KHDRBS2: variants seen among roughly 807,000 people sequenced by gnomAD.
The protein encoded by KHDRBS2 is KH domain-containing, RNA-binding, signal transduction-associated protein 2.
Under a neutral mutation model 44.3 loss-of-function variants are expected in KHDRBS2, and 26 were observed. The observed-to-expected ratio is 0.59, with a 90% CI of 0.43 to 0.81. KHDRBS2 has a LOEUF of 0.81. Among genes scored for constraint, KHDRBS2 ranks in the 40% least tolerant of loss-of-function variants. The pLI, the probability that KHDRBS2 is intolerant of heterozygous loss-of-function variation, is 0.00. For missense variants in KHDRBS2, 476 were observed against 433.1 expected, an observed-to-expected ratio of 1.10 and a Z score of -0.88; for synonymous variants, 194 against 151.1, an observed-to-expected ratio of 1.28 and a Z score of -2.08.
intron 3 of KHDRBS2, among the ~76,000 whole-genome samples, chr6:61,997,285 T>C (rs1398194490): frequency 1.8e-4 from 27 of 152,168 alleles, no homozygotes; most frequent in Non-Finnish European, 1.3e-4. Context: ...ATCACCCTAT[T>C]GATTCTGAGT....
intron 3 of KHDRBS2, among the ~76,000 whole-genome samples, chr6:61,981,875 A>G (rs2127405393): frequency 6.6e-6 from 1 of 152,286 alleles, no homozygotes; most frequent in Non-Finnish European, 1.5e-5. Flanking sequence ...ATTGTTTCAG[A>G]AATTTTATGA....
intron 3 of KHDRBS2, among the ~76,000 whole-genome samples, chr6:61,989,965 C>G (rs1775818884): frequency 1.3e-5 from 2 of 152,138 alleles, no homozygotes. Context: ...GGTTGTTCAA[C>G]CCTTGCATGG....
chr6:61,687,798 A>G (rs1255366878), intron 8 of KHDRBS2, among the ~76,000 whole-genome samples: 1 of 151,902 alleles, frequency 6.6e-6, no homozygotes, highest in Admixed American at 6.6e-5. Flanking sequence ...AGCTTAAAAA[A>G]TATTCCTGAC....
At chr6:61,981,905 A>G (rs1233457443) in intron 3 of KHDRBS2, among the ~76,000 whole-genome samples, 1 of 152,184 alleles carries the variant, frequency 6.6e-6, no homozygotes, top group Admixed American at 6.5e-5. Context: ...GAATTGGTCA[A>G]TAACCTTGAT....
At chr6:61,560,141 C>T in the KHDRBS2 span, among the ~76,000 whole-genome samples, 1 of 152,246 alleles carries the variant, frequency 6.6e-6, no homozygotes, top group South Asian at 2.1e-4. Flanking sequence ...CTTTCACAGC[C>T]TGAAAATTCC....
intron 2 of KHDRBS2, among the ~76,000 whole-genome samples, chr6:62,054,952 G>T (rs1278470397): frequency 6.6e-6 from 1 of 152,008 alleles, no homozygotes; most frequent in Non-Finnish European, 1.5e-5. Flanking sequence ...GCTATCCATA[G>T]TAAGAGAAAT....
intron 3 of KHDRBS2, among the ~76,000 whole-genome samples, chr6:62,004,866 A>C (rs1778933409): frequency 6.6e-6 from 1 of 152,142 alleles, no homozygotes; most frequent in African/African-American, 2.4e-5. Context: ...AACATACACA[A>C]ATCAATAAAC....
At position 62,082,310 on chromosome 6, in the gene KHDRBS2, G is replaced by GGTGTGTGTGT. The variant is rs142069290; in HGVS notation, c.220-34326_220-34317dup. The stretch of plus-strand genomic sequence containing the variant: ...TTTAAAGAGAGAGCAAATACACACT[G>GGTGTGTGTGT]GTGTGTGTGTGTGTGTGTGTGTGTG... On this transcript the variant is annotated intron_variant, in intron 2 of 8. Coordinates refer to ENST00000281156, the MANE Select transcript of KHDRBS2 (RefSeq NM_152688.4). Among the ~76,000 whole-genome samples the GGTGTGTGTGT allele has an allele frequency of 6.2e-3, 931 of 149,130 alleles. 10 individuals carry two copies. The highest frequency in any genetic ancestry group is 0.027 in the South Asian group (125 of 4,670).
chr6:62,257,685 T>G (rs1456731171), intron 1 of KHDRBS2, among the ~76,000 whole-genome samples: 1 of 152,034 alleles, frequency 6.6e-6, no homozygotes, highest in African/African-American at 2.4e-5. Context: ...TGCTTGCTTA[T>G]AAGTTGCACC....
chr6:62,121,034 G>A (rs550419807), intron 2 of KHDRBS2, among the ~76,000 whole-genome samples: 11 of 152,112 alleles, frequency 7.2e-5, no homozygotes, highest in South Asian at 2.1e-4. Flanking sequence ...CAGTTAAACC[G>A]GGGGCTTACA....
At chr6:61,747,216 G>A (rs1423144150) in intron 6 of KHDRBS2, among the ~76,000 whole-genome samples, 2 of 152,098 alleles carry the variant, frequency 1.3e-5, no homozygotes, top group African/African-American at 4.8e-5. Flanking sequence ...CATCATCATA[G>A]CTGATCTGAT....
At chr6:62,052,392 T>G (rs1344474572) in intron 2 of KHDRBS2, among the ~76,000 whole-genome samples, 2 of 151,732 alleles carry the variant, frequency 1.3e-5, no homozygotes, top group Admixed American at 6.6e-5. Context: ...AAAATATGGA[T>G]GATCTCATTT....
At chr6:62,019,837 T>A (rs1446385721) in intron 3 of KHDRBS2, among the ~76,000 whole-genome samples, 2 of 151,948 alleles carry the variant, frequency 1.3e-5, no homozygotes, top group Non-Finnish European at 2.9e-5. Flanking sequence ...TCTTGATTAA[T>A]CTAGCTGCAG....
chr6:61,765,907 G>T (rs1938396), intron 6 of KHDRBS2, among the ~76,000 whole-genome samples: 27,799 of 151,538 alleles, frequency 0.18, 2,665 homozygotes, highest in Non-Finnish European at 0.2. Context: ...GATATTTGCA[G>T]CAATGTTCAT....
At chr6:61,567,049 GTGATTTGGCCATC>G in the KHDRBS2 span, among the ~76,000 whole-genome samples, 2 of 152,330 alleles carry the variant, frequency 1.3e-5, no homozygotes, top group East Asian at 3.9e-4. Flanking sequence ...GCTGGGGAAT[GTGATTTGGCCATC>G]TGTGTTTGCT....
At chr6:61,722,553 A>T (rs1037853938) in intron 7 of KHDRBS2, among the ~76,000 whole-genome samples, 9 of 152,030 alleles carry the variant, frequency 5.9e-5, no homozygotes, top group Admixed American at 4.6e-4. Flanking sequence ...TTTTCTCTAA[A>T]TATTTTTATC....
chr6:62,168,283 A>G (rs1466452133), intron 2 of KHDRBS2, among the ~76,000 whole-genome samples: 1 of 152,164 alleles, frequency 6.6e-6, no homozygotes, highest in Non-Finnish European at 1.5e-5. Context: ...TCAAGTCAAG[A>G]AATATAAAGT....
intron 2 of KHDRBS2, among the ~76,000 whole-genome samples, chr6:62,091,532 G>A (rs1477229675): frequency 6.6e-6 from 1 of 152,052 alleles, no homozygotes; most frequent in Non-Finnish European, 1.5e-5. Flanking sequence ...TTAATAAACT[G>A]TATTTTTCTA....
chr6:61,732,302 G>A (rs1042033602), intron 7 of KHDRBS2, among the ~76,000 whole-genome samples: 1 of 151,162 alleles, frequency 6.6e-6, no homozygotes, highest in African/African-American at 2.4e-5. Flanking sequence ...GAGTACCAAT[G>A]ACATTTTATT....
Sources: gnomAD v4.1 joint callset for allele counts (sites outside exome capture counted in the v4.1 genomes callset) on GRCh38, gnomAD v4.1.1 for gene constraint, MANE v1.5 for transcripts, NCBI Gene and HGNC (gene_info 2026-07-23, HGNC 2026-07-21) for gene names.